Variants in ERI3 observed in about 807,000 individuals in gnomAD.
The protein encoded by ERI3 is ERI1 exoribonuclease family member 3, also known as ERI1 exoribonuclease 3.
ERI3 carries 18 observed loss-of-function variants against 44.4 expected under a neutral mutation model. That is an observed-to-expected ratio of 0.41 (90% confidence interval 0.28 to 0.60). The LOEUF is 0.60. Among genes scored for constraint, ERI3 ranks in the 20% least tolerant of loss-of-function variants. ERI3 has a pLI of 0.36. For synonymous variants in ERI3, 183 were observed against 164.8 expected (o/e 1.11, Z -0.84); for missense variants, 294 against 435.5 (o/e 0.68, Z 2.89).
At chr1:44,285,659 C>T (rs390231) in intron 6 of ERI3, among the ~76,000 whole-genome samples, 108,399 of 152,132 alleles carry the variant, frequency 0.71, 39,984 homozygotes, top group African/African-American at 0.92. Context: ...CAAACATGCA[C>T]TGATGCTTAA....
intron 7 of ERI3, among the ~76,000 whole-genome samples, chr1:44,255,374 A>G (rs1188510483): frequency 6.6e-6 from 1 of 151,852 alleles, no homozygotes; most frequent in East Asian, 1.9e-4. Context: ...CCTTCTTGAC[A>G]CTCTACTCAG....
At chr1:44,292,664 C>G (rs868137844) in intron 6 of ERI3, among the ~76,000 whole-genome samples, 10 of 152,216 alleles carry the variant, frequency 6.6e-5, no homozygotes, top group African/African-American at 2.4e-4. Flanking sequence ...ACGTGCGGTC[C>G]CTCCATTCTC....
At chr1:44,259,884 T>TAGAG (rs1053613200) in intron 7 of ERI3, among the ~76,000 whole-genome samples, 1 of 135,000 alleles carries the variant, frequency 7.4e-6, no homozygotes, top group Non-Finnish European at 1.5e-5. Flanking sequence ...TCTAGATAGA[T>TAGAG]AGATAGATAG....
intron 3 of ERI3, among the ~76,000 whole-genome samples, chr1:44,333,776 G>A (rs182485213): frequency 3.9e-5 from 6 of 151,980 alleles, no homozygotes; most frequent in East Asian, 1.9e-4. Context: ...GAAACCCTCC[G>A]AATCTCTTCT....
chr1:44,242,815 G>A (rs530091340), intron 8 of ERI3, among the ~76,000 whole-genome samples: 4 of 152,268 alleles, frequency 2.6e-5, no homozygotes, highest in South Asian at 2.1e-4. Flanking sequence ...AGAGGGACCC[G>A]GGAAACTTCA....
intron 7 of ERI3, among the ~76,000 whole-genome samples, chr1:44,248,702 A>AGTGTGTGTGT (rs143570480): frequency 0.099 from 14,641 of 148,368 alleles, 828 homozygotes; most frequent in African/African-American, 0.16. Flanking sequence ...TGTGAGAGAG[A>AGTGTGTGTGT]GTGTGTGTGT....
chr1:44,331,041 G>A (rs1051556386), intron 3 of ERI3, among the ~76,000 whole-genome samples: 4 of 152,050 alleles, frequency 2.6e-5, no homozygotes, highest in South Asian at 2.1e-4. Flanking sequence ...CACTGTCCCC[G>A]CTTTCCAACC....
At chr1:44,269,029 C>T (rs996100723) in intron 7 of ERI3, among the ~76,000 whole-genome samples, 1 of 152,318 alleles carries the variant, frequency 6.6e-6, no homozygotes, top group Non-Finnish European at 1.5e-5. Context: ...CAATGCCCTG[C>T]CTTCCCTGGA....
chr1:44,322,407 T>C (rs900591050), intron 3 of ERI3, among the ~76,000 whole-genome samples: 23 of 135,114 alleles, frequency 1.7e-4, no homozygotes, highest in African/African-American at 6.5e-4. Flanking sequence ...AGGAGGGGGG[T>C]AGGCCCCTGA....
intron 7 of ERI3, among the ~76,000 whole-genome samples, chr1:44,260,087 C>T (rs1003928427): frequency 3.3e-5 from 5 of 152,182 alleles, no homozygotes; most frequent in African/African-American, 9.7e-5. Flanking sequence ...AGCATTCATT[C>T]ACTGAATATT....
chr1:44,261,650 C>A (rs1467222934), intron 7 of ERI3, among the ~76,000 whole-genome samples: 1 of 152,258 alleles, frequency 6.6e-6, no homozygotes, highest in Admixed American at 6.5e-5. Flanking sequence ...CCGCTATGCG[C>A]TCCGCTCCGT....
At chr1:44,293,760 G>A (rs1214546575) in intron 6 of ERI3, among the ~76,000 whole-genome samples, 4 of 152,200 alleles carry the variant, frequency 2.6e-5, no homozygotes, top group Non-Finnish European at 5.9e-5. Flanking sequence ...TTTCCACAAT[G>A]CCACACAGCT....
At chr1:44,230,211 G>A (rs546887042) in intron 8 of ERI3, 1 of 152,166 alleles carries the variant, frequency 6.6e-6, no homozygotes, top group South Asian at 2.1e-4. Context: ...AGTGAAATAC[G>A]CCGTAGTAAC....
At chr1:44,302,896 T>C (rs1025692042) in intron 6 of ERI3, among the ~76,000 whole-genome samples, 3 of 152,234 alleles carry the variant, frequency 2.0e-5, no homozygotes, top group African/African-American at 7.2e-5. Context: ...TTATGTGCCC[T>C]TGACAAATTA....
chr1:44,324,474 C>CTT, intron 3 of ERI3, among the ~76,000 whole-genome samples: 2 of 119,094 alleles, frequency 1.7e-5, no homozygotes, highest in African/African-American at 5.7e-5. Context: ...GCAACATAGA[C>CTT]TCTTTTTTTT....
intron 5 of ERI3, among the ~76,000 whole-genome samples, chr1:44,310,951 T>TCGCGCGCGTGCGCGCG (rs1553195170): frequency 1.1e-5 from 1 of 95,026 alleles, no homozygotes; most frequent in Non-Finnish European, 2.2e-5. Context: ...TATGTGCACA[T>TCGCGCGCGTGCGCGCG]CGCGCGCGCG....
intron 7 of ERI3, among the ~76,000 whole-genome samples, chr1:44,276,774 G>A (rs544381871): frequency 1.2e-3 from 179 of 152,096 alleles, no homozygotes; most frequent in African/African-American, 4.0e-3. Context: ...AATCCATCTT[G>A]CCAACTGCTC....
intron 7 of ERI3, among the ~76,000 whole-genome samples, chr1:44,273,986 G>A (rs939927891): frequency 4.6e-5 from 7 of 152,206 alleles, no homozygotes; most frequent in Non-Finnish European, 1.0e-4. Flanking sequence ...TTGCTCAAGA[G>A]AAAAGATGGA....
Position 44,221,709 on chromosome 1 carries a change from A to T in ERI3, c.932-69T>A. 1 of 1,223,946 alleles carries T rather than the reference A, an allele frequency of 8.2e-7. No individual in the cohort carries two copies. Among genetic ancestry groups the T allele is most frequent in the Non-Finnish European group, 1.2e-6 (1 of 834,986 alleles). 75.8% of individuals were successfully genotyped at this position (1,223,946 alleles called of 1,614,324 possible). A position where few individuals can be genotyped will look rare whatever the true frequency, so the allele number is the denominator to read the frequency against. On this transcript the variant is annotated intron_variant, in intron 8 of 8. Transcript: ENST00000372257. The surrounding 1 kb of genome is among the most constrained non-coding windows in gnomAD (Gnocchi z 5.9). ...CCTCCATGCCCACAGGTGCTCTTACAAGGGTGGGGGTGGGAAGCAGGGTCA... is the reference window on the plus strand; with the variant it reads ...CCTCCATGCCCACAGGTGCTCTTACTAGGGTGGGGGTGGGAAGCAGGGTCA...
Sources: allele counts gnomAD v4.1 joint callset (sites outside exome capture counted in the v4.1 genomes callset), GRCh38; gene constraint gnomAD v4.1.1; non-coding constraint Gnocchi (gnomAD v3.1); transcripts MANE v1.5; gene names NCBI Gene and HGNC (gene_info 2026-07-23, HGNC 2026-07-21).